Variants in EML6 observed in about 807,000 individuals in gnomAD.
The protein encoded by EML6 is echinoderm microtubule-associated protein-like 6.
Under a neutral mutation model 240.1 loss-of-function variants are expected in EML6, and 154 were observed. The observed-to-expected ratio is 0.64, with a 90% confidence interval of 0.56 to 0.73. The LOEUF (loss-of-function observed/expected upper bound fraction) is 0.73. Ranked by LOEUF, EML6 falls within the 30% of genes least tolerant of loss-of-function variation. The pLI is 0.00. For missense variants in EML6, 2,964 were observed against 2,474.6 expected (o/e 1.20, Z -4.20); for synonymous variants, 1,148 against 899.0 (o/e 1.28, Z -4.95).
At chr2:54,788,492 G>T (rs944561567) in intron 2 of EML6, among the ~76,000 whole-genome samples, 2 of 152,188 alleles carry the variant, frequency 1.3e-5, no homozygotes, top group African/African-American at 4.8e-5. Flanking sequence ...GAGGTATTCT[G>T]TGAGAAACAC....
chr2:54,782,888 C>A (rs1057468490), intron 2 of EML6, among the ~76,000 whole-genome samples: 3 of 152,082 alleles, frequency 2.0e-5, no homozygotes, highest in African/African-American at 4.8e-5. Context: ...GCGTCTCATT[C>A]GTAAAGAGAA....
At chr2:54,956,480 C>A (rs1558724479) in intron 32 of EML6, among the ~76,000 whole-genome samples, 1 of 152,188 alleles carries the variant, frequency 6.6e-6, no homozygotes, top group Non-Finnish European at 1.5e-5. Flanking sequence ...ATTGCAAGTG[C>A]TTTCTTCCCG....
chr2:54,850,158 G>A lies in EML6; in HGVS notation c.1384G>A (p.Asp462Asn). 1 of 1,551,550 alleles carries A rather than the reference G, an allele frequency of 6.4e-7. No homozygotes were observed. The highest frequency in any genetic ancestry group is 8.7e-7 in the Non-Finnish European group (1 of 1,146,776). Reference sequence around the variant, plus strand: ...CATCACGCATATTGACTGGTCCTTGGATAGTAAATACTTACAAACTAATGA... The same window carrying A: ...CATCACGCATATTGACTGGTCCTTGAATAGTAAATACTTACAAACTAATGA... ...SFITHIDWSL[D>N]SKYLQTNDGA... Residue 462 changes from aspartate (D) to asparagine (N), a missense_variant, in exon 10 of 42, where the codon GAT (aspartate) becomes AAT (asparagine). By Grantham distance (23) the Asp-to-Asn change is conservative. Coordinates refer to ENST00000356458, the MANE Select transcript of EML6 (RefSeq NM_001039753.4).
intron 21 of EML6, among the ~76,000 whole-genome samples, chr2:54,895,651 G>A (rs1672723790): frequency 6.6e-6 from 1 of 152,190 alleles, no homozygotes; most frequent in Non-Finnish European, 1.5e-5. Context: ...TCTGCTTAGT[G>A]TTTTATAAGG....
intron 11 of EML6, among the ~76,000 whole-genome samples, chr2:54,856,577 G>A (rs530558595): frequency 3.9e-5 from 6 of 152,328 alleles, no homozygotes; most frequent in African/African-American, 9.6e-5. Context: ...AGATCTTGGA[G>A]GGGCTGGTGC....
chr2:54,794,004 C>T (rs1477467944), intron 2 of EML6, among the ~76,000 whole-genome samples: 1 of 152,236 alleles, frequency 6.6e-6, no homozygotes, highest in African/African-American at 2.4e-5. Context: ...TCCCTTGCCT[C>T]ACCTCATCTA....
At chr2:54,772,069 G>T (rs1304094169) in intron 2 of EML6, among the ~76,000 whole-genome samples, 6 of 152,204 alleles carry the variant, frequency 3.9e-5, no homozygotes, top group African/African-American at 1.4e-4. Context: ...CTGCCTTCAG[G>T]ATTATGGAAC....
At chr2:54,826,643 T>C (rs1206430421) in intron 5 of EML6, among the ~76,000 whole-genome samples, 1 of 152,170 alleles carries the variant, frequency 6.6e-6, no homozygotes, top group Admixed American at 6.5e-5. Flanking sequence ...AAATATTTTG[T>C]GTCTGTTTAA....
intron 26 of EML6, 151 bp from the exon 27 acceptor site, chr2:54,928,162 G>C: frequency 1.5e-6 from 1 of 679,482 alleles, no homozygotes; most frequent in Non-Finnish European, 2.6e-6. Context: ...GAGACCTAGT[G>C]CCTGCCCACA....
intron 2 of EML6, among the ~76,000 whole-genome samples, chr2:54,805,538 GTTC>G (rs923476437): frequency 1.8e-4 from 28 of 151,974 alleles, no homozygotes; most frequent in Non-Finnish European, 2.9e-5. Context: ...ATTAAGTTGT[GTTC>G]TTATTAAATT....
chr2:54,891,628 G>C (rs1336561474), intron 18 of EML6, among the ~76,000 whole-genome samples: 5 of 152,186 alleles, frequency 3.3e-5, no homozygotes, highest in African/African-American at 1.2e-4. Context: ...ATAAGCATGA[G>C]AAAACATAGA....
chr2:54,919,109 C>T (rs1384689768), intron 26 of EML6, among the ~76,000 whole-genome samples: 2 of 152,156 alleles, frequency 1.3e-5, no homozygotes, highest in Admixed American at 6.5e-5. Flanking sequence ...CACCTATACT[C>T]ACGTAAATGA....
chr2:54,964,901 A>G (rs1306280113), intron 38 of EML6, among the ~76,000 whole-genome samples, 168 bp downstream of exon 38: 1 of 152,234 alleles, frequency 6.6e-6, no homozygotes, highest in African/African-American at 2.4e-5. Flanking sequence ...GTAGAAACAG[A>G]GGCTTAGAGA....
chr2:54,944,878 T>C (rs908381276), intron 28 of EML6, among the ~76,000 whole-genome samples: 2 of 151,896 alleles, frequency 1.3e-5, no homozygotes, highest in African/African-American at 4.8e-5. Context: ...ACAGTCCAGT[T>C]TGGTCTTGAT....
intron 2 of EML6, among the ~76,000 whole-genome samples, chr2:54,782,875 C>G (rs1374024982): frequency 7.2e-5 from 11 of 152,158 alleles, no homozygotes; most frequent in Admixed American, 7.2e-4. Flanking sequence ...TGGTGAAAAC[C>G]AGGCGTCTCA....
chr2:54,833,045 G>A (rs1668960343), intron 7 of EML6, among the ~76,000 whole-genome samples: 1 of 152,228 alleles, frequency 6.6e-6, no homozygotes, highest in Non-Finnish European at 1.5e-5. Flanking sequence ...TACTCAAACA[G>A]CCAAATAGTT....
intron 7 of EML6, among the ~76,000 whole-genome samples, chr2:54,837,085 C>T (rs961538984): frequency 8.6e-5 from 13 of 152,004 alleles, no homozygotes; most frequent in Non-Finnish European, 1.8e-4. Context: ...AATTACTCTT[C>T]CTCTCTCTCT....
At chr2:54,848,550 C>CACACACACACACAT (rs1416686192) in intron 9 of EML6, among the ~76,000 whole-genome samples, 2 of 151,702 alleles carry the variant, frequency 1.3e-5, no homozygotes, top group Admixed American at 6.6e-5. Context: ...CACACACACA[C>CACACACACACACAT]ATAAATTTCC....
chr2:54,917,295 C>T (rs2104324672), intron 26 of EML6, among the ~76,000 whole-genome samples: 2 of 151,976 alleles, frequency 1.3e-5, no homozygotes, highest in Admixed American at 1.3e-4. Context: ...TTTTAAATAC[C>T]TCCAATTGTT....
Sources: allele counts gnomAD v4.1 joint callset (sites outside exome capture counted in the v4.1 genomes callset), GRCh38; gene constraint gnomAD v4.1.1; transcripts MANE v1.5; gene names NCBI Gene and HGNC (gene_info 2026-07-23, HGNC 2026-07-21).